The following SLC35F1 variants were observed in gnomAD, a reference collection of about 807,000 sequenced individuals.
SLC35F1 encodes chromosome 6 open reading frame 169.
Under a neutral mutation model 48.7 loss-of-function variants are expected in SLC35F1, and 14 were observed. The observed-to-expected ratio is 0.29, with a 90% CI of 0.19 to 0.45. SLC35F1 has a LOEUF of 0.45. Among genes scored for constraint, SLC35F1 ranks in the 20% least tolerant of loss-of-function variants. The pLI is 1.00. For synonymous variants in SLC35F1, 190 were observed against 202.2 expected, an observed-to-expected ratio of 0.94 and a Z score of 0.51; for missense variants, 404 against 500.0, an observed-to-expected ratio of 0.81 and a Z score of 1.83.
At chr6:118,179,818 G>A (rs1251068788) in intron 2 of SLC35F1, among the ~76,000 whole-genome samples, 1 of 152,100 alleles carries the variant, frequency 6.6e-6, no homozygotes. Context: ...CCTATAGACA[G>A]ACACTCTCAC....
intron 1 of SLC35F1, among the ~76,000 whole-genome samples, chr6:118,143,750 C>T (rs553393015): frequency 7.9e-5 from 12 of 152,148 alleles, no homozygotes; most frequent in Non-Finnish European, 1.3e-4. Context: ...TGAATATCGA[C>T]CATGAGGTAG....
At chr6:118,025,541 T>C (rs1420712420) in intron 1 of SLC35F1, among the ~76,000 whole-genome samples, 1 of 152,144 alleles carries the variant, frequency 6.6e-6, no homozygotes, top group Non-Finnish European at 1.5e-5. Flanking sequence ...CACAATTGAG[T>C]GGGGAGTGAT....
intron 1 of SLC35F1, among the ~76,000 whole-genome samples, chr6:117,934,990 C>T (rs990206450): frequency 7.2e-5 from 11 of 152,242 alleles, no homozygotes; most frequent in African/African-American, 2.4e-4. Flanking sequence ...GCCTTTAATC[C>T]CAGCTCCTCT....
rs151300143 is a variant in SLC35F1, at chr6:118,063,574, C to A, written c.174-90871C>A. ...GAAATGGGTCAAAAGCCATCTTCCACCCCCAATCCCCACCCATATCAAAGC... is the reference window on the plus strand; with the variant it reads ...GAAATGGGTCAAAAGCCATCTTCCAACCCCAATCCCCACCCATATCAAAGC... On this transcript the variant is annotated intron_variant, in intron 1 of 7. Transcript: ENST00000360388. Among the ~76,000 whole-genome samples, 639 of 152,168 alleles carry A rather than the reference C, an allele frequency of 4.2e-3. 6 individuals are homozygous for A. Among genetic ancestry groups the A allele is most frequent in the African/African-American group, 0.015 (607 of 41,516 alleles).
intron 1 of SLC35F1, among the ~76,000 whole-genome samples, chr6:117,983,738 T>C (rs1776812925): frequency 6.6e-6 from 1 of 152,210 alleles, no homozygotes; most frequent in Non-Finnish European, 1.5e-5. Context: ...TAAAAACCCA[T>C]TTGTGGTACA....
In SLC35F1 at chr6:118,293,337, GCTTC is replaced by G. The variant is rs1373761354; in HGVS notation, c.1002+8000_1002+8003del. Among the ~76,000 whole-genome samples, 4 of 152,206 alleles carry G rather than the reference GCTTC, an allele frequency of 2.6e-5. No homozygotes were observed. In the East Asian group the frequency reaches 7.7e-4, roughly 29 times the overall value. On this transcript the variant is annotated intron_variant, in intron 7 of 7. Coordinates refer to ENST00000360388, the MANE Select transcript of SLC35F1 (RefSeq NM_001029858.4). Reference sequence around the variant, plus strand: ...AGAATCCATTTCCTTACCGTTTCCAGCTTCTAGAGGCCACCTGTATTTCTTGGCT... The same window carrying G: ...AGAATCCATTTCCTTACCGTTTCCAGTAGAGGCCACCTGTATTTCTTGGCT...
chr6:117,964,527 G>A (rs1776536026), intron 1 of SLC35F1, among the ~76,000 whole-genome samples: 1 of 152,202 alleles, frequency 6.6e-6, no homozygotes, highest in African/African-American at 2.4e-5. Context: ...AGAAGAGAGG[G>A]TGATGTTTCA....
chr6:117,960,492 G>A (rs1357523845), intron 1 of SLC35F1, among the ~76,000 whole-genome samples: 2 of 151,898 alleles, frequency 1.3e-5, no homozygotes, highest in African/African-American at 4.8e-5. Flanking sequence ...AATTTAGCAA[G>A]TTACTATGTA....
At chr6:117,911,210 A>G (rs1359056274) in intron 1 of SLC35F1, among the ~76,000 whole-genome samples, 1 of 152,204 alleles carries the variant, frequency 6.6e-6, no homozygotes, top group Non-Finnish European at 1.5e-5. Context: ...AATTAATGGG[A>G]CATCACATTT....
intron 3 of SLC35F1, among the ~76,000 whole-genome samples, chr6:118,261,434 C>T (rs1210997329): frequency 6.6e-6 from 1 of 152,126 alleles, no homozygotes; most frequent in African/African-American, 2.4e-5. Context: ...TGCATATATA[C>T]ATATGCATAC....
intron 1 of SLC35F1, among the ~76,000 whole-genome samples, chr6:118,103,160 A>T (rs887085821): frequency 6.6e-6 from 1 of 152,230 alleles, no homozygotes; most frequent in African/African-American, 2.4e-5. Context: ...GCAGTTGATT[A>T]TCATCAACCT....
At chr6:118,267,428 T>A (rs1775787713) in intron 4 of SLC35F1, among the ~76,000 whole-genome samples, 1 of 152,226 alleles carries the variant, frequency 6.6e-6, no homozygotes, top group Admixed American at 6.5e-5. Flanking sequence ...CTGAGAGTCA[T>A]GACCTACCAA....
chr6:118,154,828 G>A (rs1774115911), intron 2 of SLC35F1, among the ~76,000 whole-genome samples: 1 of 152,160 alleles, frequency 6.6e-6, no homozygotes, highest in Non-Finnish European at 1.5e-5. Flanking sequence ...CAAGAAGTGG[G>A]AACTGCATGT....
intron 2 of SLC35F1, among the ~76,000 whole-genome samples, chr6:118,167,810 G>A (rs527853924): frequency 2.0e-4 from 31 of 152,134 alleles, no homozygotes; most frequent in Non-Finnish European, 3.7e-4. Flanking sequence ...TCACTAGGCA[G>A]TAGGAATTTC....
At chr6:118,177,683 T>C (rs1264727019) in intron 2 of SLC35F1, among the ~76,000 whole-genome samples, 2 of 152,110 alleles carry the variant, frequency 1.3e-5, no homozygotes, top group Admixed American at 6.6e-5. Flanking sequence ...TTCTTAGTTT[T>C]GTTTTAAAAA....
intron 1 of SLC35F1, among the ~76,000 whole-genome samples, chr6:117,967,852 C>G (rs6906806): frequency 1.3e-5 from 2 of 152,108 alleles, no homozygotes; most frequent in Non-Finnish European, 2.9e-5. Context: ...AATACAGGAA[C>G]AAATATTTTT....
At position 117,962,728 on chromosome 6, in the gene SLC35F1, C is replaced by T. The variant is rs547700125; in HGVS notation, c.173+54829C>T. Among the ~76,000 whole-genome samples, 48 of 152,156 alleles carry T rather than the reference C, an allele frequency of 3.2e-4. 1 individual carries two copies. The highest frequency in any genetic ancestry group is 5.6e-4 in the Non-Finnish European group (38 of 68,036). On this transcript the variant is annotated intron_variant, in intron 1 of 7. Transcript: ENST00000360388. ...AAGACTTAGGGTACTCCTGGGGGAT[C>T]AAAGAAGAAAGTGTCTTCATTGTGT...
At chr6:117,945,973 C>A (rs1776290637) in intron 1 of SLC35F1, among the ~76,000 whole-genome samples, 1 of 152,176 alleles carries the variant, frequency 6.6e-6, no homozygotes, top group Non-Finnish European at 1.5e-5. Context: ...TTTCCGTAAG[C>A]TGCAGAGAGT....
chr6:118,232,907 A>T (rs1037269742), intron 2 of SLC35F1, among the ~76,000 whole-genome samples: 2 of 151,574 alleles, frequency 1.3e-5, no homozygotes, highest in Non-Finnish European at 2.9e-5. Flanking sequence ...ACAGGCCCCC[A>T]CCCAAGACCA....
Sources: allele counts gnomAD v4.1 joint callset (sites outside exome capture counted in the v4.1 genomes callset), GRCh38; gene constraint gnomAD v4.1.1; transcripts MANE v1.5; gene names NCBI Gene and HGNC (gene_info 2026-07-23, HGNC 2026-07-21).